TTC39B: variants seen among roughly 807,000 people sequenced by gnomAD.
TTC39B encodes tetratricopeptide repeat protein 39B.
A neutral mutation model predicts 96.6 loss-of-function variants in TTC39B; 92 were observed. The observed-to-expected ratio is 0.95, with a 90% confidence interval of 0.80 to 1.13. The LOEUF is 1.13. Ranked by LOEUF, TTC39B falls within the 50% of genes most tolerant of loss-of-function variation. TTC39B has a pLI of 0.00. For synonymous variants in TTC39B, 367 were observed against 299.4 expected (o/e 1.23, Z -2.33); for missense variants, 955 against 809.3 (o/e 1.18, Z -2.18).
exon 20 of TTC39B, chr9:15,166,982 T>TTTTTTTATA (rs1387664027): frequency 9.9e-5 from 2 of 20,276 alleles, no homozygotes; most frequent in South Asian, 2.9e-3. Flanking sequence ...AACCTTTATT[T>TTTTTTTATA]TATATATATA....
intron 7 of TTC39B, among the ~76,000 whole-genome samples, chr9:15,203,345 G>T (rs1819651474): frequency 6.6e-6 from 1 of 152,108 alleles, no homozygotes; most frequent in Admixed American, 6.5e-5. Context: ...CCACCTCCCA[G>T]GTTCAAGTGA....
chr9:15,256,757 G>A (rs909868650), intron 2 of TTC39B, among the ~76,000 whole-genome samples: 10 of 152,104 alleles, frequency 6.6e-5, no homozygotes, highest in East Asian at 5.8e-4. Context: ...GCTCCAATCC[G>A]GAGCAGCACA....
chr9:15,270,328 C>T (rs1451295671), intron 1 of TTC39B, among the ~76,000 whole-genome samples: 3 of 152,058 alleles, frequency 2.0e-5, no homozygotes, highest in Admixed American at 6.5e-5. Flanking sequence ...GGGAGGAAAA[C>T]GTATTCTCCA....
intron 1 of TTC39B, among the ~76,000 whole-genome samples, chr9:15,289,279 G>C (rs1428786955): frequency 6.6e-6 from 1 of 152,140 alleles, no homozygotes; most frequent in Non-Finnish European, 1.5e-5. Context: ...TGTTCAATAT[G>C]GCTAGTTGCA....
At chr9:15,266,806 G>A (rs568542910) in intron 2 of TTC39B, among the ~76,000 whole-genome samples, 6 of 152,114 alleles carry the variant, frequency 3.9e-5, no homozygotes, top group Non-Finnish European at 7.4e-5. Flanking sequence ...CAGGCAGGGC[G>A]CAGTGGCTCA....
chr9:15,209,077 G>A (rs1820038538), intron 6 of TTC39B, among the ~76,000 whole-genome samples: 1 of 152,078 alleles, frequency 6.6e-6, no homozygotes. Flanking sequence ...TACCTCTTCA[G>A]AGAACATGTT....
chr9:15,220,834 G>C (rs1349429755), intron 3 of TTC39B, among the ~76,000 whole-genome samples: 1 of 152,120 alleles, frequency 6.6e-6, no homozygotes, highest in African/African-American at 2.4e-5. Context: ...GTTTCCTCAT[G>C]ATCAGATTCA....
chr9:15,250,565 G>C (rs557082636), intron 2 of TTC39B, among the ~76,000 whole-genome samples: 1 of 152,246 alleles, frequency 6.6e-6, no homozygotes, highest in South Asian at 2.1e-4. Context: ...ATGCACAAAA[G>C]TTAAATTAGC....
chr9:15,285,705 A>G (rs1048174216), intron 1 of TTC39B, among the ~76,000 whole-genome samples: 16 of 152,094 alleles, frequency 1.1e-4, no homozygotes, highest in Non-Finnish European at 2.9e-5. Flanking sequence ...ATACAAAAAA[A>G]TTAGCCGGGC....
intron 2 of TTC39B, among the ~76,000 whole-genome samples, chr9:15,237,587 A>T (rs1174170689): frequency 6.6e-6 from 1 of 152,100 alleles, no homozygotes; most frequent in Non-Finnish European, 1.5e-5. Context: ...AACAGAAAGA[A>T]AAAGAAATCC....
At chr9:15,188,811 C>T (rs181907225) in intron 13 of TTC39B, among the ~76,000 whole-genome samples, 157 of 152,242 alleles carry the variant, frequency 1.0e-3, no homozygotes, top group Non-Finnish European at 1.6e-3. Flanking sequence ...TATAAAAATG[C>T]AACCACCTTT....
exon 9 of TTC39B, chr9:15,192,680 G>C (rs1818925945): frequency 6.2e-7 from 1 of 1,613,690 alleles, no homozygotes; most frequent in South Asian, 1.1e-5. Context: ...TTTCATGCAG[G>C]ATAGAAAGAC....
chr9:15,295,521 T>A (rs1824341597), intron 1 of TTC39B, among the ~76,000 whole-genome samples: 2 of 152,220 alleles, frequency 1.3e-5, no homozygotes, highest in African/African-American at 4.8e-5. Flanking sequence ...TTCTGTAGAA[T>A]TCTCTTTTCA....
chr9:15,290,308 A>G (rs1367430731), intron 1 of TTC39B, among the ~76,000 whole-genome samples: 2 of 152,202 alleles, frequency 1.3e-5, no homozygotes, highest in African/African-American at 4.8e-5. Context: ...CATGCCAAAG[A>G]GAAAATTTAA....
exon 20 of TTC39B, chr9:15,168,904 A>G (rs1342024769): frequency 6.6e-6 from 1 of 151,154 alleles, no homozygotes; most frequent in Non-Finnish European, 1.5e-5. Context: ...CTCTAATAGT[A>G]GCTTTGAAAG....
At chr9:15,199,127 A>AACAG (rs1243690357) in intron 8 of TTC39B, among the ~76,000 whole-genome samples, 5 of 152,224 alleles carry the variant, frequency 3.3e-5, no homozygotes, top group Non-Finnish European at 7.3e-5. Context: ...CTCAGTAAAT[A>AACAG]ACAGACAACT....
chr9:15,230,986 G>GAA (rs36097997), intron 2 of TTC39B, among the ~76,000 whole-genome samples: 1 of 141,460 alleles, frequency 7.1e-6, no homozygotes, highest in African/African-American at 2.6e-5. Flanking sequence ...CTCCATCTCA[G>GAA]AAAAAAAAAA....
At chr9:15,178,854 T>C (rs1818098421) in intron 17 of TTC39B, among the ~76,000 whole-genome samples, 1 of 152,218 alleles carries the variant, frequency 6.6e-6, no homozygotes, top group Admixed American at 6.5e-5. Context: ...GAGAAGCAGA[T>C]GGCCTTATCC....
Position 15,305,717 on chromosome 9 carries a change from G to A in TTC39B, c.240+1367C>T, listed in dbSNP as rs142787181. 3.0e-4 allele frequency among the ~76,000 whole-genome samples: 45 copies of A among 150,460 alleles called. 1 individual carries two copies. In the East Asian group the frequency reaches 8.7e-3, roughly 29 times the overall value. ...ATCTCAACCGTTCATCTAGTAGGCA[G>A]TGAGCATAGCTGGGGTGACCATTTG... On this transcript the variant is annotated intron_variant, in intron 1 of 19. Transcript: ENST00000512701.
Sources: allele counts gnomAD v4.1 joint callset (sites outside exome capture counted in the v4.1 genomes callset), GRCh38; gene constraint gnomAD v4.1.1; transcripts MANE v1.5; gene names NCBI Gene and HGNC (gene_info 2026-07-23, HGNC 2026-07-21).